LRRC8C: variants seen among roughly 807,000 people sequenced by gnomAD.
LRRC8C encodes leucine rich repeat containing 8 VRAC subunit C.
Under a neutral mutation model 55.3 loss-of-function variants are expected in LRRC8C, and 20 were observed. The observed-to-expected ratio is 0.36, with a 90% CI of 0.25 to 0.53. The LOEUF (loss-of-function observed/expected upper bound fraction) is 0.53, where lower values mean the gene tolerates loss of function less well. Ranked by LOEUF, LRRC8C falls within the 20% of genes least tolerant of loss-of-function variation. The pLI, the probability that LRRC8C is intolerant of heterozygous loss-of-function variation, is 0.92. For synonymous variants in LRRC8C, 376 were observed against 360.7 expected, an observed-to-expected ratio of 1.04 and a Z score of -0.48; for missense variants, 659 against 951.4, an observed-to-expected ratio of 0.69 and a Z score of 4.04.
chr1:89,688,436 A>G (rs1394712634), intron 2 of LRRC8C, among the ~76,000 whole-genome samples: 2 of 152,238 alleles, frequency 1.3e-5, no homozygotes, highest in Non-Finnish European at 2.9e-5. Context: ...AGGCAATGGG[A>G]AAAAATAAAG....
At chr1:89,696,340 G>A (rs536217256) in intron 2 of LRRC8C, among the ~76,000 whole-genome samples, 9 of 152,108 alleles carry the variant, frequency 5.9e-5, no homozygotes, top group African/African-American at 2.2e-4. Flanking sequence ...AAAAATCTAC[G>A]TACCTGCAAA....
intron 2 of LRRC8C, among the ~76,000 whole-genome samples, chr1:89,694,505 A>C (rs1658110743): frequency 6.6e-6 from 1 of 151,060 alleles, no homozygotes; most frequent in Non-Finnish European, 1.5e-5. Context: ...GCTGCTTTGA[A>C]ACTCCTGGGC....
chr1:89,661,907 G>A (rs1657133289), intron 1 of LRRC8C, among the ~76,000 whole-genome samples: 1 of 152,264 alleles, frequency 6.6e-6, no homozygotes, highest in South Asian at 2.1e-4. Context: ...ATGGTGAAAA[G>A]TGGTTGCAAT....
At chr1:89,628,190 T>C (rs1656023095), upstream of LRRC8C, among the ~76,000 whole-genome samples, 1 of 152,214 alleles carries the variant, frequency 6.6e-6, no homozygotes, top group Non-Finnish European at 1.5e-5. Context: ...CAAAGTTTTA[T>C]AGAATCCTAT....
At chr1:89,663,816 A>G (rs910873722) in intron 1 of LRRC8C, among the ~76,000 whole-genome samples, 1 of 152,134 alleles carries the variant, frequency 6.6e-6, no homozygotes, top group Admixed American at 6.5e-5. Flanking sequence ...AATGATCGCC[A>G]TTCTAACTGG....
intron 1 of LRRC8C, among the ~76,000 whole-genome samples, chr1:89,649,516 A>G (rs1656701185): frequency 1.3e-5 from 2 of 152,104 alleles, no homozygotes; most frequent in Admixed American, 6.6e-5. Context: ...GTGTGTCCAG[A>G]AAAGATTTTT....
chr1:89,694,054 G>T (rs1430807940), intron 2 of LRRC8C, among the ~76,000 whole-genome samples: 2 of 152,008 alleles, frequency 1.3e-5, no homozygotes, highest in East Asian at 1.9e-4. Context: ...GAAAATAATT[G>T]TAAAGAGCAA....
chr1:89,677,820 T>C (rs1481074954), intron 1 of LRRC8C, among the ~76,000 whole-genome samples: 1 of 152,248 alleles, frequency 6.6e-6, no homozygotes, highest in Admixed American at 6.5e-5. Context: ...CAGAAATATT[T>C]TGTCATGAAT....
At chr1:89,625,683 G>C in the LRRC8C span, among the ~76,000 whole-genome samples, 2 of 152,216 alleles carry the variant, frequency 1.3e-5, no homozygotes, top group African/African-American at 4.8e-5. Flanking sequence ...TCATGTTTAT[G>C]TGAGTAACAA....
Position 89,713,489 on chromosome 1 carries a change from T to C in LRRC8C, c.919T>C (p.Ser307Pro). The change falls in exon 3 of 3, where the codon TCT (serine) becomes CCT (proline). Residue 307 changes from serine (S) to proline (P), a missense_variant. Transcript: ENST00000370454. This position sits in a 1 kb window ranked among gnomAD's most constrained non-coding sequence, Gnocchi z 5.2. Reference sequence around the variant, plus strand: ...GGACATGACTGGATATAAAAACTTTTCTTGCAATCATACCATGGCACACTT... The same window carrying C: ...GGACATGACTGGATATAAAAACTTTCCTTGCAATCATACCATGGCACACTT... ...IQDMTGYKNFSCNHTMAHLFS... is the reference protein window; with the variant it reads ...IQDMTGYKNFPCNHTMAHLFS... 6.2e-7 allele frequency: 1 copy of C among 1,614,172 alleles called. No individual in the cohort carries two copies. Among genetic ancestry groups the C allele is most frequent in the Non-Finnish European group, 8.5e-7 (1 of 1,180,042 alleles).
At chr1:89,698,242 T>TC (rs1221155710) in intron 2 of LRRC8C, among the ~76,000 whole-genome samples, 1 of 152,094 alleles carries the variant, frequency 6.6e-6, no homozygotes, top group African/African-American at 2.4e-5. Context: ...TAGCTAGAGG[T>TC]CAAATATTTC....
intron 1 of LRRC8C, among the ~76,000 whole-genome samples, chr1:89,642,975 G>A (rs938814549): frequency 1.4e-5 from 2 of 145,068 alleles, no homozygotes; most frequent in East Asian, 2.0e-4. Flanking sequence ...CCGAGATCAC[G>A]CCACTGCACT....
chr1:89,697,592 C>G (rs1179924786), intron 2 of LRRC8C, among the ~76,000 whole-genome samples: 10 of 152,164 alleles, frequency 6.6e-5, no homozygotes, highest in Non-Finnish European at 1.5e-5. Context: ...TGTTATAAAT[C>G]AAAACATGTT....
intron 1 of LRRC8C, among the ~76,000 whole-genome samples, chr1:89,634,218 C>T (rs978154393): frequency 2.0e-5 from 3 of 152,184 alleles, no homozygotes; most frequent in Non-Finnish European, 4.4e-5. Flanking sequence ...GCTAAACTTC[C>T]CTTGGTTTCA....
intron 1 of LRRC8C, among the ~76,000 whole-genome samples, chr1:89,672,753 C>T (rs1054373076): frequency 1.3e-5 from 2 of 152,020 alleles, no homozygotes; most frequent in Non-Finnish European, 2.9e-5. Context: ...ACTTATCTTT[C>T]CACCAATTTC....
intron 2 of LRRC8C, among the ~76,000 whole-genome samples, chr1:89,690,670 G>A (rs531815019): frequency 1.1e-4 from 17 of 152,278 alleles, no homozygotes; most frequent in Admixed American, 7.2e-4. Context: ...ATGTGCCTGC[G>A]GTAAGTTCAG....
In LRRC8C at chr1:89,649,661, G is replaced by A. The variant is rs571608883; in HGVS notation, c.-5+16339G>A. On this transcript the variant is annotated intron_variant, in intron 1 of 2. Coordinates refer to ENST00000370454, the MANE Select transcript of LRRC8C (RefSeq NM_032270.5). ...AGGAAGTAAAGTTATTTTACCTCCT[G>A]GAGGTAAATAAAACACCTTTCCTTG... 1.3e-5 allele frequency among the ~76,000 whole-genome samples: 2 copies of A among 152,248 alleles called. 1 individual carries two copies. Among genetic ancestry groups the A allele is most frequent in the East Asian group, 3.9e-4 (2 of 5,188 alleles).
intron 2 of LRRC8C, among the ~76,000 whole-genome samples, chr1:89,688,000 T>A (rs1657928109): frequency 6.6e-6 from 1 of 152,232 alleles, no homozygotes; most frequent in Non-Finnish European, 1.5e-5. Context: ...GTCATCCTCA[T>A]GACAACTCTT....
chr1:89,674,031 A>G (rs1166529085), intron 1 of LRRC8C, among the ~76,000 whole-genome samples: 1 of 152,146 alleles, frequency 6.6e-6, no homozygotes, highest in East Asian at 1.9e-4. Flanking sequence ...ACTATTATTT[A>G]TGTCTTCTTT....
Sources: gnomAD v4.1 joint callset for allele counts (sites outside exome capture counted in the v4.1 genomes callset) on GRCh38, gnomAD v4.1.1 for gene constraint, Gnocchi (gnomAD v3.1) non-coding constraint, MANE v1.5 for transcripts, NCBI Gene and HGNC (gene_info 2026-07-23, HGNC 2026-07-21) for gene names.